The following EGFLAM variants were observed in gnomAD, a reference collection of about 807,000 sequenced individuals.
The protein encoded by EGFLAM is pikachurin.
In EGFLAM, 79 loss-of-function variants were observed where a neutral mutation model predicts 113.1. That is an observed-to-expected ratio of 0.70 (90% CI 0.58 to 0.84). The LOEUF (loss-of-function observed/expected upper bound fraction) is 0.84, where lower values mean the gene tolerates loss of function less well. Among genes scored for constraint, EGFLAM ranks in the 40% least tolerant of loss-of-function variants. The probability of loss-of-function intolerance (pLI) is 0.00; values close to 1 mark genes in which losing one functional copy is unlikely to be tolerated. For missense variants in EGFLAM, 1,265 were observed against 1,291.6 expected, an observed-to-expected ratio of 0.98 and a Z score of 0.32; for synonymous variants, 504 against 487.6, an observed-to-expected ratio of 1.03 and a Z score of -0.44.
chr5:38,312,431 G>T (rs1194302906), intron 1 of EGFLAM, among the ~76,000 whole-genome samples: 1 of 151,820 alleles, frequency 6.6e-6, no homozygotes, highest in Non-Finnish European at 1.5e-5. Context: ...TTAGAGAGAC[G>T]GGGTTTCACC....
At chr5:38,334,113 G>C (rs762169202) in intron 1 of EGFLAM, among the ~76,000 whole-genome samples, 1 of 151,864 alleles carries the variant, frequency 6.6e-6, no homozygotes, top group Admixed American at 6.6e-5. Flanking sequence ...TAGTAGAGAT[G>C]GGGTTTTGCC....
chr5:38,305,903 G>A (rs1241260000), intron 1 of EGFLAM, among the ~76,000 whole-genome samples: 2 of 152,172 alleles, frequency 1.3e-5, no homozygotes, highest in Non-Finnish European at 2.9e-5. Context: ...AAGGAACTTG[G>A]TAGAGGCTTC....
In EGFLAM at chr5:38,437,899, G is replaced by A. The variant is rs370229750; in HGVS notation, c.2284-376G>A. On this transcript the variant is annotated intron_variant, in intron 16 of 21. Transcript: ENST00000322350. ...AGCACTTTGGGAGGCTGAAGTGGGC[G>A]GATCACCTGAGGTCAGGAGTTCGAG... Among the ~76,000 whole-genome samples, 16 of 152,108 alleles carry A rather than the reference G, an allele frequency of 1.1e-4. 1 individual carries two copies. The highest frequency in any genetic ancestry group is 6.5e-4 in the Admixed American group (10 of 15,278).
At chr5:38,264,881 C>G (rs1757594967) in intron 1 of EGFLAM, among the ~76,000 whole-genome samples, 1 of 152,228 alleles carries the variant, frequency 6.6e-6, no homozygotes, top group Admixed American at 6.5e-5. Flanking sequence ...TTCAGGCAGA[C>G]AGAAATGTTT....
At chr5:38,415,705 C>T (rs1369687416) in intron 11 of EGFLAM, among the ~76,000 whole-genome samples, 4 of 152,120 alleles carry the variant, frequency 2.6e-5, no homozygotes, top group African/African-American at 9.7e-5. Flanking sequence ...TCTCATACTG[C>T]TATGAAGAAA....
intron 11 of EGFLAM, among the ~76,000 whole-genome samples, chr5:38,417,054 T>G (rs550523253): frequency 4.6e-5 from 7 of 151,658 alleles, no homozygotes; most frequent in South Asian, 2.1e-4. Flanking sequence ...ATTTTGGTCA[T>G]AAAAAAAAGA....
intron 12 of EGFLAM, among the ~76,000 whole-genome samples, chr5:38,421,769 G>A (rs1741831011): frequency 6.6e-6 from 1 of 152,102 alleles, no homozygotes; most frequent in African/African-American, 2.4e-5. Context: ...TCTCAGAAGA[G>A]GAAGTTAATA....
At chr5:38,309,196 A>G (rs1758801917) in intron 1 of EGFLAM, among the ~76,000 whole-genome samples, 1 of 152,252 alleles carries the variant, frequency 6.6e-6, no homozygotes, top group South Asian at 2.1e-4. Flanking sequence ...ATGGAAGTAC[A>G]TACTACATAA....
rs115665295 is a variant in EGFLAM at position 38,435,216 on chromosome 5, C to T, written c.2246C>T (p.Ser749Leu). Residue 749 changes from serine (S) to leucine (L), a missense_variant, in exon 16 of 22, where the codon TCG (serine) becomes TTG (leucine). Transcript: ENST00000322350. The part of the protein sequence containing the change: ...VPNYDDVKKN[S>L]GVLKPFSGSI... ...AATTATGATGATGTGAAGAAGAACT[C>T]GGGTGTCCTGAAGCCTTTCAGCGGG... 9.3e-4 allele frequency: 1,499 copies of T among 1,614,088 alleles called. No homozygotes were observed. The highest frequency in any genetic ancestry group is 1.2e-3 in the Non-Finnish European group (1,402 of 1,180,022).
chr5:38,438,402 A>C lies in EGFLAM; in HGVS notation c.2411A>C (p.Glu804Ala). Residue 804 changes from glutamate (E) to alanine (A), a missense_variant, in exon 17 of 22, where the codon GAG becomes GCG. Glu to Ala is a moderately radical substitution (Grantham distance 107, BLOSUM62 -1). Coordinates refer to ENST00000322350, the MANE Select transcript of EGFLAM (RefSeq NM_152403.4). ...AHGGSCRPRK[E>A]GYDCDCPLGF... Reference sequence around the variant, plus strand: ...GGGGGCAGCTGCCGGCCCAGGAAGGAGGGCTATGACTGTGACTGCCCCTTG... The same window carrying C: ...GGGGGCAGCTGCCGGCCCAGGAAGGCGGGCTATGACTGTGACTGCCCCTTG... 1 of 1,613,952 alleles carries C rather than the reference A, an allele frequency of 6.2e-7. No homozygotes were observed. The highest frequency in any genetic ancestry group is 8.5e-7 in the Non-Finnish European group (1 of 1,179,922).
chr5:38,339,038 A>G (rs1739266548), intron 3 of EGFLAM, among the ~76,000 whole-genome samples: 1 of 152,228 alleles, frequency 6.6e-6, no homozygotes, highest in African/African-American at 2.4e-5. Flanking sequence ...ATCATGCAAG[A>G]AAACTGCCAC....
In EGFLAM at chr5:38,295,247, G is replaced by A. The variant is rs2589767; in HGVS notation, c.97+36396G>A. Among the ~76,000 whole-genome samples the A allele has an allele frequency of 4.3e-4, 66 of 152,328 alleles. 1 individual carries two copies. The highest frequency in any genetic ancestry group is 1.6e-3 in the African/African-American group (65 of 41,572). On this transcript the variant is annotated intron_variant, in intron 1 of 21. Transcript: ENST00000322350. Reference sequence around the variant, plus strand: ...GCACAGCTAGATCCTGCTAACCGCTGTATCTGAACAACTGACTATAATACA... The same window carrying A: ...GCACAGCTAGATCCTGCTAACCGCTATATCTGAACAACTGACTATAATACA...
chr5:38,299,741 T>G (rs1250627245), intron 1 of EGFLAM, among the ~76,000 whole-genome samples: 1 of 152,172 alleles, frequency 6.6e-6, no homozygotes, highest in East Asian at 1.9e-4. Flanking sequence ...CACTCTCTCT[T>G]GCTCCTGCCC....
At chr5:38,328,723 G>GTTTTTTTTTTTTTTTTTTTTTTAT (rs3077265) in intron 1 of EGFLAM, among the ~76,000 whole-genome samples, 1 of 103,026 alleles carries the variant, frequency 9.7e-6, no homozygotes. Context: ...AGCTATACTT[G>GTTTTTTTTTTTTTTTTTTTTTTAT]TTTTTTTTTT....
At chr5:38,392,628 T>TG (rs1017963877) in intron 6 of EGFLAM, among the ~76,000 whole-genome samples, 2,618 of 145,566 alleles carry the variant, frequency 0.018, 95 homozygotes, top group African/African-American at 0.067. Flanking sequence ...TTCTTTTTTT[T>TG]TGGGGGGGCG....
intron 6 of EGFLAM, among the ~76,000 whole-genome samples, chr5:38,396,765 G>C (rs911000517): frequency 3.3e-5 from 5 of 152,200 alleles, no homozygotes; most frequent in African/African-American, 1.2e-4. Flanking sequence ...CACACACCAT[G>C]ATGGAAAGAT....
chr5:38,400,840 G>C (rs1488341786), intron 6 of EGFLAM, among the ~76,000 whole-genome samples: 1 of 152,118 alleles, frequency 6.6e-6, no homozygotes, highest in African/African-American at 2.4e-5. Flanking sequence ...TGGATTCTTT[G>C]AGCCTTAGTT....
chr5:38,291,584 T>A (rs1299651672), intron 1 of EGFLAM, among the ~76,000 whole-genome samples: 1 of 152,220 alleles, frequency 6.6e-6, no homozygotes, highest in African/African-American at 2.4e-5. Flanking sequence ...CCTGTCATTA[T>A]TCCCATTAGA....
intron 1 of EGFLAM, among the ~76,000 whole-genome samples, chr5:38,274,141 T>C (rs115333474): frequency 6.6e-6 from 1 of 152,018 alleles, no homozygotes; most frequent in Non-Finnish European, 1.5e-5. Context: ...TATTTGAAAA[T>C]ATACAGCGAG....
Sources: allele counts gnomAD v4.1 joint callset (sites outside exome capture counted in the v4.1 genomes callset), GRCh38; gene constraint gnomAD v4.1.1; transcripts MANE v1.5; gene names NCBI Gene and HGNC (gene_info 2026-07-23, HGNC 2026-07-21).